Variants in PCBP2 observed in about 807,000 individuals in gnomAD.
PCBP2 encodes the protein poly(rC) binding protein 2.
In PCBP2, 4 loss-of-function variants were observed where a neutral mutation model predicts 50.1. The observed-to-expected ratio is 0.08, with a 90% CI of 0.04 to 0.18. PCBP2 has a LOEUF of 0.18. Among genes scored for constraint, PCBP2 ranks in the 10% least tolerant of loss-of-function variants. The pLI is 1.00. For missense variants in PCBP2, 161 were observed against 474.3 expected (o/e 0.34, Z 6.14); for synonymous variants, 179 against 168.0 (o/e 1.07, Z -0.51).
intron 14 of PCBP2, chr12:53,474,855 T>C (rs564317294): frequency 5.3e-6 from 2 of 380,698 alleles, no homozygotes; most frequent in East Asian, 7.4e-5. Flanking sequence ...TGTTCCTTTT[T>C]TCCTCTGTTA....
At chr12:53,472,440 G>A (rs537320103) in intron 14 of PCBP2, among the ~76,000 whole-genome samples, 1 of 152,238 alleles carries the variant, frequency 6.6e-6, no homozygotes, top group Non-Finnish European at 1.5e-5. Flanking sequence ...CCATAGCTAG[G>A]TAGTGTTACT....
chr12:53,479,675 T>TTTTTTTTTTTTTTGTTTTG lies in PCBP2; in HGVS notation c.*241_*242insTTTTTGTTTTGTTTTTTTT. ...AGTTTTATAAGCTTCTCCCTGGTTTTTTTTTTTTGGCTCATGAATTTTTCT... is the reference window on the plus strand; with the variant it reads ...AGTTTTATAAGCTTCTCCCTGGTTTTTTTTTTTTTTTTTGTTTTGTTTTTTTTGGCTCATGAATTTTTCT... On this transcript the variant is annotated 3_prime_UTR_variant, in exon 15 of 15. Coordinates refer to ENST00000546463, the MANE Select transcript of PCBP2 (RefSeq NM_031989.5). 1 of 386,446 alleles carries TTTTTTTTTTTTTTGTTTTG rather than the reference T, an allele frequency of 2.6e-6. No individual in the cohort carries two copies. Among genetic ancestry groups the TTTTTTTTTTTTTTGTTTTG allele is most frequent in the Non-Finnish European group, 4.6e-6 (1 of 216,430 alleles). 23.9% of individuals were successfully genotyped at this position (386,446 alleles called of 1,614,324 possible).
In PCBP2 at chr12:53,464,816, G is replaced by A; in HGVS notation, c.636G>A (p.Met212Ile). The change falls in exon 9 of 15, where the codon ATG becomes ATA. Residue 212 changes from methionine to isoleucine, a missense_variant. By Grantham distance (10) the Met-to-Ile change is conservative. Coordinates refer to ENST00000546463, the MANE Select transcript of PCBP2 (RefSeq NM_031989.5). ...GCTTTCCCCACACCACCCCGTCCAT[G>A]TGCCTCAACCCTGACCTGGAGGGAC... Reference protein sequence around the residue: ...SASFPHTTPSMCLNPDLEGPP... With the variant: ...SASFPHTTPSICLNPDLEGPP... 6.2e-7 allele frequency: 1 copy of A among 1,612,328 alleles called. No individual in the cohort carries two copies. Among genetic ancestry groups the A allele is most frequent in the Non-Finnish European group, 8.5e-7 (1 of 1,179,280 alleles).
intron 1 of PCBP2, among the ~76,000 whole-genome samples, chr12:53,453,779 CAA>C (rs1377112256): frequency 2.0e-5 from 3 of 152,220 alleles, no homozygotes; most frequent in African/African-American, 2.4e-5. Flanking sequence ...TCCAAAAAAA[CAA>C]ATTTTCTTTC....
At chr12:53,461,373 A>C (rs962932822) in intron 7 of PCBP2, among the ~76,000 whole-genome samples, 2 of 152,226 alleles carry the variant, frequency 1.3e-5, no homozygotes, top group African/African-American at 2.4e-5. Flanking sequence ...GGTTCACAGC[A>C]GTTGTAGCAG....
At chr12:53,465,869 T>C (rs1016370194) in intron 9 of PCBP2, 63 bp from the exon 10 acceptor site, 11 of 1,320,662 alleles carry the variant, frequency 8.3e-6, no homozygotes, top group African/African-American at 1.5e-5. Context: ...AATGTCTTTT[T>C]CCCCCCACTG....
At position 53,459,316 on chromosome 12, in the gene PCBP2, C is replaced by T. The variant is rs146378926; in HGVS notation, c.288C>T (p.Pro96=). The T allele has an allele frequency of 6.9e-5, 111 of 1,613,196 alleles. 1 individual carries two copies. In the African/African-American group the frequency reaches 1.1e-3, roughly 16 times the overall value. The stretch of plus-strand genomic sequence containing the variant: ...CCAATAGCACAGCTGCCAGTAGACC[C>T]CCGGTCACCCTGAGGCTGGTGGTCC... ...SMTNSTAASR[P]PVTLRLVVPA... Residue 96 remains proline (P), a synonymous_variant, in exon 6 of 15, where the codon CCC becomes CCT. Transcript: ENST00000546463.
At chr12:53,478,270 G>A (rs1261181972) in intron 14 of PCBP2, among the ~76,000 whole-genome samples, 1 of 152,184 alleles carries the variant, frequency 6.6e-6, no homozygotes, top group African/African-American at 2.4e-5. Flanking sequence ...CACTTTGGGA[G>A]GCCAAGACAA....
intron 10 of PCBP2, 121 bp from the exon 11 acceptor site, chr12:53,467,100 G>T: frequency 1.4e-6 from 1 of 693,588 alleles, no homozygotes; most frequent in Non-Finnish European, 2.6e-6. Flanking sequence ...CCTACCCTCT[G>T]TTGTAGTTTG....
At chr12:53,474,685 A>T (rs970497174) in intron 14 of PCBP2, among the ~76,000 whole-genome samples, 6 of 152,158 alleles carry the variant, frequency 3.9e-5, no homozygotes, top group African/African-American at 1.4e-4. Flanking sequence ...GGAAATATAC[A>T]TATTTAGAGG....
chr12:53,452,988 T>C (rs1366807931), intron 1 of PCBP2: 1 of 152,134 alleles, frequency 6.6e-6, no homozygotes, highest in African/African-American at 2.4e-5. Flanking sequence ...AACGAATTTT[T>C]AAATTACAAA....
At chr12:53,464,971 A>G (rs935635604) in intron 9 of PCBP2, 119 bp downstream of exon 9, 30 of 1,320,940 alleles carry the variant, frequency 2.3e-5, no homozygotes, top group Non-Finnish European at 2.8e-5. Context: ...CCACCTGTCC[A>G]CGGGGACCTG....
chr12:53,471,002 C>T (rs1375841324), intron 13 of PCBP2, among the ~76,000 whole-genome samples: 2 of 151,956 alleles, frequency 1.3e-5, no homozygotes, highest in East Asian at 3.9e-4. Flanking sequence ...ATACTTGGAC[C>T]TAAGAGTATT....
intron 14 of PCBP2, among the ~76,000 whole-genome samples, chr12:53,473,604 T>C (rs987030294): frequency 1.3e-5 from 2 of 152,206 alleles, no homozygotes; most frequent in Non-Finnish European, 2.9e-5. Context: ...GTAGAGTGGC[T>C]CTTTTCAGGA....
At position 53,465,828 on chromosome 12, in the gene PCBP2, CTA is replaced by C. The variant is rs1941779026; in HGVS notation, c.673-103_673-102del. On this transcript the variant is annotated intron_variant, in intron 9 of 14. Coordinates refer to ENST00000546463, the MANE Select transcript of PCBP2 (RefSeq NM_031989.5). ...CTCAATCTCTGGCCTCCCCCATTCT[CTA>C]GTTCAACTCTGGCTTCCTGGCTAGT... is the stretch of plus-strand genomic sequence containing the variant. 8.5e-5 allele frequency: 73 copies of C among 855,838 alleles called. 1 individual carries two copies. The South Asian group carries it at 1.0e-3, about 12-fold the overall frequency. 53.0% of individuals were successfully genotyped at this position (855,838 alleles called of 1,614,324 possible).
At position 53,464,818 on chromosome 12, in the gene PCBP2, G is replaced by A. The variant is rs1941703140; in HGVS notation, c.638G>A (p.Cys213Tyr). 2 of 1,612,132 alleles carry A rather than the reference G, an allele frequency of 1.2e-6. No homozygotes were observed. Among genetic ancestry groups the A allele is most frequent in the South Asian group, 1.1e-5 (1 of 90,784 alleles). The change falls in exon 9 of 15, where the codon TGC becomes TAC. Residue 213 changes from cysteine (C) to tyrosine (Y), a missense_variant. Cys to Tyr is a radical substitution (Grantham distance 194, BLOSUM62 -2). Around this residue, in one of 7 missense-constraint regions of PCBP2, gnomAD observed 35 missense variants for 45.5 expected, o/e 0.77. Coordinates refer to ENST00000546463, the MANE Select transcript of PCBP2 (RefSeq NM_031989.5). Reference protein sequence around the residue: ...ASFPHTTPSMCLNPDLEGPPL... With the variant: ...ASFPHTTPSMYLNPDLEGPPL... Reference sequence around the variant, plus strand: ...TTTCCCCACACCACCCCGTCCATGTGCCTCAACCCTGACCTGGAGGGACCA... The same window carrying A: ...TTTCCCCACACCACCCCGTCCATGTACCTCAACCCTGACCTGGAGGGACCA...
At chr12:53,461,182 C>G in intron 7 of PCBP2, 39 bp downstream of exon 7, 1 of 1,608,094 alleles carries the variant, frequency 6.2e-7, no homozygotes, top group Non-Finnish European at 8.5e-7. Context: ...GGGGGAGGGC[C>G]ATTCTGGGGA....
chr12:53,464,543 A>G, intron 8 of PCBP2: 2 of 541,958 alleles, frequency 3.7e-6, no homozygotes, highest in Non-Finnish European at 3.1e-6. Context: ...CCACCCCTTC[A>G]TTCTTATTGA....
chr12:53,467,530 T>A, intron 11 of PCBP2: 1 of 618,220 alleles, frequency 1.6e-6, no homozygotes, highest in Non-Finnish European at 2.9e-6. Flanking sequence ...GGGGTGAGGT[T>A]TGGGGATGCT....
Sources: gnomAD v4.1 joint callset for allele counts (sites outside exome capture counted in the v4.1 genomes callset) on GRCh38, gnomAD v4.1.1 for gene constraint, gnomAD v4.1.1 regional missense constraint, MANE v1.5 for transcripts, NCBI Gene and HGNC (gene_info 2026-07-23, HGNC 2026-07-21) for gene names.